The following MAP3K4 variants were observed in gnomAD, a reference collection of about 807,000 sequenced individuals.
The protein encoded by MAP3K4 is mitogen-activated protein kinase kinase kinase 4.
MAP3K4 carries 67 observed loss-of-function variants against 185.6 expected under a neutral mutation model. The observed-to-expected ratio is 0.36, with a 90% CI of 0.30 to 0.44. The LOEUF is 0.44. MAP3K4 is among the 20% of genes least tolerant of loss of function. The pLI, the probability that MAP3K4 is intolerant of heterozygous loss-of-function variation, is 1.00. For missense variants in MAP3K4, 1,551 were observed against 1,995.1 expected (o/e 0.78, Z 4.24); for synonymous variants, 702 against 710.4 (o/e 0.99, Z 0.19).
rs1785697642 is a variant in MAP3K4, at chr6:161,086,072, T to A, written c.2373-307T>A. On this transcript the variant is annotated intron_variant, in intron 7 of 26. Coordinates refer to ENST00000392142, the MANE Select transcript of MAP3K4 (RefSeq NM_005922.4). The surrounding 1 kb of genome is among the most constrained non-coding windows in gnomAD (Gnocchi z 4.8). Reference sequence around the variant, plus strand: ...AGATTACGAGCCAGGAGTTAAGAACTTAACCTTAAACTCCAAGAAATGATC... The same window carrying A: ...AGATTACGAGCCAGGAGTTAAGAACATAACCTTAAACTCCAAGAAATGATC... 6.6e-6 allele frequency among the ~76,000 whole-genome samples: 1 copy of A among 152,188 alleles called. No homozygotes were observed. The highest frequency in any genetic ancestry group is 2.4e-5 in the African/African-American group (1 of 41,444).
chr6:161,110,654 A>G lies in MAP3K4; in HGVS notation c.4396+740A>G, dbSNP rs570488340. On this transcript the variant is annotated intron_variant, in intron 23 of 26. Transcript: ENST00000392142. This position sits in a 1 kb window ranked among gnomAD's most constrained non-coding sequence, Gnocchi z 4.8. The stretch of plus-strand genomic sequence containing the variant: ...AACTTAGGAACCGACCTGACTTCTG[A>G]CCAGGGACAAGACCCAGTGTGGGAG... Among the ~76,000 whole-genome samples the G allele has an allele frequency of 9.2e-5, 14 of 152,320 alleles. No individual in the cohort carries two copies. The highest frequency in any genetic ancestry group is 7.8e-4 in the Admixed American group (12 of 15,302).
intron 3 of MAP3K4, among the ~76,000 whole-genome samples, chr6:161,058,453 T>C (rs1784338859): frequency 6.6e-6 from 1 of 152,196 alleles, no homozygotes; most frequent in African/African-American, 2.4e-5. Context: ...GATCCCAGTA[T>C]AGAATCACAG....
At chr6:161,036,638 C>A (rs1783177931) in intron 2 of MAP3K4, among the ~76,000 whole-genome samples, 1 of 152,168 alleles carries the variant, frequency 6.6e-6, no homozygotes, top group African/African-American at 2.4e-5. Flanking sequence ...TTTGTAGCAG[C>A]ATCTTCACAG....
rs532011722 is a variant in MAP3K4 at position 161,110,882 on chromosome 6, G to A, written c.4397-954G>A. Among the ~76,000 whole-genome samples, 5 of 152,240 alleles carry A rather than the reference G, an allele frequency of 3.3e-5. No homozygotes were observed. Among genetic ancestry groups the A allele is most frequent in the African/African-American group, 4.8e-5 (2 of 41,544 alleles). On this transcript the variant is annotated intron_variant, in intron 23 of 26. Coordinates refer to ENST00000392142, the MANE Select transcript of MAP3K4 (RefSeq NM_005922.4). The surrounding 1 kb of genome is among the most constrained non-coding windows in gnomAD (Gnocchi z 4.8). ...GCCGTAGCACTGCCTATTTCTAGTC[G>A]TTCTGCCACAGACACCATCCTCAGT...
intron 3 of MAP3K4, among the ~76,000 whole-genome samples, chr6:161,059,280 C>T (rs532215449): frequency 6.8e-4 from 103 of 151,982 alleles, no homozygotes; most frequent in Non-Finnish European, 1.2e-3. Context: ...GGATCACAGG[C>T]GTGTGCAACC....
chr6:161,101,168 A>G lies in MAP3K4; in HGVS notation c.3675-724A>G, dbSNP rs932919692. 5.9e-5 allele frequency: 9 copies of G among 152,104 alleles called. No individual in the cohort carries two copies. Among genetic ancestry groups the G allele is most frequent in the Non-Finnish European group, 1.0e-4 (7 of 67,994 alleles). The allele number at this position is 152,104 out of a possible 1,614,324, so 9.4% of individuals were successfully genotyped here. ...TTAACACATTCCCTATTTAGTTTTA[A>G]TTTTTACTCTTTATGGGTTCATTCT... is the stretch of plus-strand genomic sequence containing the variant. On this transcript the variant is annotated intron_variant, in intron 17 of 26. Coordinates refer to ENST00000392142, the MANE Select transcript of MAP3K4 (RefSeq NM_005922.4). The surrounding 1 kb of genome is among the most constrained non-coding windows in gnomAD (Gnocchi z 5.1).
chr6:160,992,082 A>C lies in MAP3K4; in HGVS notation c.151A>C (p.Arg51=). ...AGAACCCGAGTGCTGCTTGGCGGCGAGGTGAGTGTGGCGGCCGCAGTCGGT... is the reference window on the plus strand; with the variant it reads ...AGAACCCGAGTGCTGCTTGGCGGCGCGGTGAGTGTGGCGGCCGCAGTCGGT... ...ESEPECCLAA[R]QEGTLGDSAC... is the part of the protein sequence containing the mutation. Residue 51 remains arginine (R), a splice_region_variant and synonymous_variant, in exon 1 of 27, where the codon AGG becomes CGG. Coordinates refer to ENST00000392142, the MANE Select transcript of MAP3K4 (RefSeq NM_005922.4). The C allele has an allele frequency of 6.4e-7, 1 of 1,565,696 alleles. No individual in the cohort carries two copies. The highest frequency in any genetic ancestry group is 8.6e-7 in the Non-Finnish European group (1 of 1,162,346).
chr6:161,102,559 C>A (rs1777882793), intron 18 of MAP3K4, 140 bp from the exon 19 acceptor site: 3 of 575,186 alleles, frequency 5.2e-6, no homozygotes, highest in Non-Finnish European at 9.2e-6. Context: ...TAGTTTCTCA[C>A]ACCTACATCA....
rs1448936105 is a variant in MAP3K4, at chr6:161,056,512, TC to T, written c.1707+6536del. Reference sequence around the variant, plus strand: ...AGCACAAGGTTCATTCCGACTTTCCTCCCTTGCTTATCTGTAACTTACTTCT... The same window carrying T: ...AGCACAAGGTTCATTCCGACTTTCCTCCTTGCTTATCTGTAACTTACTTCT... On this transcript the variant is annotated intron_variant, in intron 3 of 26. Transcript: ENST00000392142. The surrounding 1 kb of genome is among the most constrained non-coding windows in gnomAD (Gnocchi z 5.4). Among the ~76,000 whole-genome samples, 1 of 152,202 alleles carries T rather than the reference TC, an allele frequency of 6.6e-6. No individual in the cohort carries two copies. Among genetic ancestry groups the T allele is most frequent in the Non-Finnish European group, 1.5e-5 (1 of 68,032 alleles).
rs1422796300 is a variant in MAP3K4, at chr6:161,073,573, C to T, written c.2058C>T (p.Asn686=). ...AGGACTTGGAGAAGCCCGACTGCAA[C>T]ATTGACGCTTTTGAAGAGGATCTAC... ...VLEDLEKPDC[N]IDAFEEDLHK... Residue 686 remains asparagine (N), a synonymous_variant, in exon 5 of 27, where the codon AAC becomes AAT. Transcript: ENST00000392142. This position sits in a 1 kb window ranked among gnomAD's most constrained non-coding sequence, Gnocchi z 4.2. The T allele has an allele frequency of 1.2e-6, 2 of 1,613,894 alleles. No homozygotes were observed. Among genetic ancestry groups the T allele is most frequent in the African/African-American group, 1.3e-5 (1 of 74,888 alleles).
chr6:161,108,079 CACCAGCACTGCG>C lies in MAP3K4; in HGVS notation c.4119+113_4119+124del. The stretch of plus-strand genomic sequence containing the variant: ...TCTCTGTGCGTAGAGCTGTCTTCAG[CACCAGCACTGCG>C]ACAGTCAGGACCAACCAGGCAGATG... On this transcript the variant is annotated intron_variant, in intron 21 of 26. Transcript: ENST00000392142. This position sits in a 1 kb window ranked among gnomAD's most constrained non-coding sequence, Gnocchi z 5.7. The C allele has an allele frequency of 2.2e-6, 2 of 926,724 alleles. No individual in the cohort carries two copies. Among genetic ancestry groups the C allele is most frequent in the South Asian group, 3.1e-5 (2 of 63,666 alleles). 57.4% of individuals were successfully genotyped at this position (926,724 alleles called of 1,614,324 possible).
intron 5 of MAP3K4, among the ~76,000 whole-genome samples, chr6:161,079,965 A>C (rs1785369420): frequency 1.3e-5 from 2 of 152,196 alleles, no homozygotes; most frequent in South Asian, 4.1e-4. Flanking sequence ...ACTGAAACCT[A>C]GGATAGAGAA....
intron 2 of MAP3K4, among the ~76,000 whole-genome samples, chr6:161,042,075 G>T (rs1413746206): frequency 3.3e-5 from 5 of 151,858 alleles, no homozygotes; most frequent in African/African-American, 1.2e-4. Context: ...TTCTTTTAAA[G>T]GGCTTTTATG....
rs544433325 is a variant in MAP3K4, at chr6:161,088,355, C to G, written c.2823+401C>G. Among the ~76,000 whole-genome samples the G allele has an allele frequency of 5.3e-5, 8 of 152,210 alleles. No individual in the cohort carries two copies. The East Asian group carries it at 1.2e-3, about 22-fold the overall frequency. ...GTAGTGAAGGCTATCCCCTCCCTAC[C>G]TAACAGGGACCTCGTGACAGTTTCT... On this transcript the variant is annotated intron_variant, in intron 10 of 26. Transcript: ENST00000392142. The surrounding 1 kb of genome is among the most constrained non-coding windows in gnomAD (Gnocchi z 4.5).
At position 161,097,215 on chromosome 6, in the gene MAP3K4, C is replaced by T. The variant is rs1451669192; in HGVS notation, c.3524+39C>T. The T allele has an allele frequency of 1.9e-6, 3 of 1,542,692 alleles. No homozygotes were observed. Among genetic ancestry groups the T allele is most frequent in the East Asian group, 2.2e-5 (1 of 44,472 alleles). ...ATCTAGTCATTTGCTTTACAGAGTG[C>T]CCTCCGATATGCATGCTCATACTTT... On this transcript the variant is annotated intron_variant, in intron 16 of 26. Transcript: ENST00000392142. This position sits in a 1 kb window ranked among gnomAD's most constrained non-coding sequence, Gnocchi z 4.9.
In MAP3K4 at chr6:161,071,386, T is replaced by C. The variant is rs1383217614; in HGVS notation, c.1950+536T>C. On this transcript the variant is annotated intron_variant, in intron 4 of 26. Coordinates refer to ENST00000392142, the MANE Select transcript of MAP3K4 (RefSeq NM_005922.4). This position sits in a 1 kb window ranked among gnomAD's most constrained non-coding sequence, Gnocchi z 4.6. Reference sequence around the variant, plus strand: ...AAGCAGTTGTATCCAGCAGAGTGAGTGCTGAAGAGGGTCTGTATTTATTAT... The same window carrying C: ...AAGCAGTTGTATCCAGCAGAGTGAGCGCTGAAGAGGGTCTGTATTTATTAT... 1.3e-5 allele frequency among the ~76,000 whole-genome samples: 2 copies of C among 152,240 alleles called. No individual in the cohort carries two copies. The highest frequency in any genetic ancestry group is 2.1e-4 in the South Asian group (1 of 4,816).
rs547730704 is a variant in MAP3K4, at chr6:161,068,969, T to C, written c.1708-1639T>C. Among the ~76,000 whole-genome samples, 7 of 152,334 alleles carry C rather than the reference T, an allele frequency of 4.6e-5. No homozygotes were observed. The South Asian group carries it at 1.4e-3, about 32-fold the overall frequency. ...GTTTATGCAAACCTGACTTAAGATA[T>C]GGCTTCTTCTATTTGCTGTAAAGCA... On this transcript the variant is annotated intron_variant, in intron 3 of 26. Coordinates refer to ENST00000392142, the MANE Select transcript of MAP3K4 (RefSeq NM_005922.4).
In MAP3K4 at chr6:161,054,300, A is replaced by G. The variant is rs9456618; in HGVS notation, c.1707+4321A>G. ...CTCCGGAGTAGCTGGGATTACAGGC[A>G]TGCGCCACTATGCCTGGCTAATTTT... On this transcript the variant is annotated intron_variant, in intron 3 of 26. Transcript: ENST00000392142. The surrounding 1 kb of genome is among the most constrained non-coding windows in gnomAD (Gnocchi z 4.2). 0.027 allele frequency among the ~76,000 whole-genome samples: 4,103 copies of G among 152,108 alleles called. 121 individuals are homozygous for G. Among genetic ancestry groups the G allele is most frequent in the African/African-American group, 0.072 (2,976 of 41,494 alleles).
chr6:161,069,499 G>A (rs1784841075), intron 3 of MAP3K4, among the ~76,000 whole-genome samples: 1 of 152,158 alleles, frequency 6.6e-6, no homozygotes, highest in African/African-American at 2.4e-5. Flanking sequence ...AGAGAAGGCA[G>A]CACTGGAGGG....
Sources: allele counts gnomAD v4.1 joint callset (sites outside exome capture counted in the v4.1 genomes callset), GRCh38; gene constraint gnomAD v4.1.1; non-coding constraint Gnocchi (gnomAD v3.1); transcripts MANE v1.5; gene names NCBI Gene and HGNC (gene_info 2026-07-23, HGNC 2026-07-21).